The following CTNNA3 variants were observed in gnomAD, a reference collection of about 807,000 sequenced individuals.
CTNNA3 encodes the protein catenin alpha-3.
In CTNNA3, 76 loss-of-function variants were observed where a neutral mutation model predicts 95.7. The observed-to-expected ratio is 0.79, with a 90% CI of 0.66 to 0.96. CTNNA3 has a LOEUF of 0.96. Ranked by LOEUF, CTNNA3 falls within the 40% of genes least tolerant of loss-of-function variation. The pLI is 0.00. For synonymous variants in CTNNA3, 431 were observed against 374.4 expected (o/e 1.15, Z -1.74); for missense variants, 1,191 against 1,089.8 (o/e 1.09, Z -1.31).
chr10:67,574,139 G>A (rs896781658), intron 3 of CTNNA3, among the ~76,000 whole-genome samples: 2 of 152,102 alleles, frequency 1.3e-5, no homozygotes, highest in Non-Finnish European at 2.9e-5. Context: ...CCTGCTCCTT[G>A]CTACTTTCAA....
At chr10:66,055,107 C>T (rs533604632) in intron 15 of CTNNA3, among the ~76,000 whole-genome samples, 2 of 152,166 alleles carry the variant, frequency 1.3e-5, no homozygotes, top group African/African-American at 4.8e-5. Flanking sequence ...CAGTATCATG[C>T]TGTTTGGGGT....
At chr10:66,008,967 G>T (rs529887347) in intron 15 of CTNNA3, among the ~76,000 whole-genome samples, 1 of 152,210 alleles carries the variant, frequency 6.6e-6, no homozygotes, top group South Asian at 2.1e-4. Context: ...GTATGTAGTG[G>T]CACGCACCTG....
rs116829329 is a variant in CTNNA3 at position 66,390,300 on chromosome 10, G to A, written c.1532-10948C>T. 5.9e-3 allele frequency among the ~76,000 whole-genome samples: 890 copies of A among 152,136 alleles called. 8 individuals are homozygous for A. Among genetic ancestry groups the A allele is most frequent in the African/African-American group, 0.02 (837 of 41,504 alleles). ...AATACATCAACAGCAAAGCCTTAAG[G>A]GGAAGAGAGTTTATGCTATAATCCA... is the stretch of plus-strand genomic sequence containing the variant. On this transcript the variant is annotated intron_variant, in intron 11 of 17. Transcript: ENST00000433211.
At chr10:66,217,623 T>A (rs1398619048) in intron 13 of CTNNA3, among the ~76,000 whole-genome samples, 2 of 152,216 alleles carry the variant, frequency 1.3e-5, no homozygotes, top group African/African-American at 4.8e-5. Context: ...ACATACATTT[T>A]CATTGTTCTG....
chr10:67,264,642 G>T (rs1866746651), intron 5 of CTNNA3, among the ~76,000 whole-genome samples: 1 of 152,106 alleles, frequency 6.6e-6, no homozygotes, highest in Non-Finnish European at 1.5e-5. Context: ...TTTAGATTTA[G>T]ATTCCCACCT....
chr10:66,260,129 C>G (rs576688955), intron 13 of CTNNA3, among the ~76,000 whole-genome samples: 22 of 152,208 alleles, frequency 1.4e-4, no homozygotes, highest in African/African-American at 4.8e-4. Flanking sequence ...AAGTACTGAT[C>G]CACCAGGAGA....
intron 5 of CTNNA3, among the ~76,000 whole-genome samples, chr10:67,512,037 T>C (rs1230777821): frequency 6.6e-6 from 1 of 152,210 alleles, no homozygotes; most frequent in Middle Eastern, 3.2e-3. Flanking sequence ...GGATCAGTGG[T>C]GATATCCCCT....
At position 67,013,407 on chromosome 10, in the gene CTNNA3, ACAAT is replaced by A. The variant is rs1209885770; in HGVS notation, c.1047+166906_1047+166909del. Among the ~76,000 whole-genome samples, 9 of 145,192 alleles carry A rather than the reference ACAAT, an allele frequency of 6.2e-5. No individual in the cohort carries two copies. In the East Asian group the frequency reaches 1.7e-3, roughly 28 times the overall value. ...CTAAAAAAATTAATAATAACTTCAA[ACAAT>A]CATTGTTATCATTTCCAATAAGCAA... On this transcript the variant is annotated intron_variant, in intron 7 of 17. Transcript: ENST00000433211.
chr10:66,360,817 C>CT lies in CTNNA3; in HGVS notation c.1732+18334dup, dbSNP rs368129307. On this transcript the variant is annotated intron_variant, in intron 12 of 17. Coordinates refer to ENST00000433211, the MANE Select transcript of CTNNA3 (RefSeq NM_013266.4). ...CCTTCCTTCCTTCCTTCCTTCCTTCCTTTCTTTCTTTCTTTCTTTCTTTCT... is the reference window on the plus strand; with the variant it reads ...CCTTCCTTCCTTCCTTCCTTCCTTCCTTTTCTTTCTTTCTTTCTTTCTTTCT... 2.1e-4 allele frequency among the ~76,000 whole-genome samples: 11 copies of CT among 51,890 alleles called. 2 individuals carry two copies. Among genetic ancestry groups the CT allele is most frequent in the Non-Finnish European group, 2.9e-4 (9 of 30,806 alleles). 34.0% of individuals were successfully genotyped at this position (51,890 alleles called of 152,430 possible).
At chr10:67,593,317 TC>T (rs1343690213) in intron 3 of CTNNA3, among the ~76,000 whole-genome samples, 2 of 152,148 alleles carry the variant, frequency 1.3e-5, no homozygotes, top group Non-Finnish European at 2.9e-5. Context: ...TGATTTATTT[TC>T]TTTTGGATAT....
intron 7 of CTNNA3, among the ~76,000 whole-genome samples, chr10:67,126,766 G>C (rs1205897880): frequency 6.6e-6 from 1 of 152,130 alleles, no homozygotes; most frequent in Non-Finnish European, 1.5e-5. Flanking sequence ...ATTCATCTTT[G>C]TCCAAAAATG....
intron 9 of CTNNA3, among the ~76,000 whole-genome samples, chr10:66,636,166 G>T (rs12248142): frequency 0.071 from 10,726 of 151,932 alleles, 1,261 homozygotes; most frequent in African/African-American, 0.25. Context: ...CTGAATCTCA[G>T]GAGGGCTCCT....
intron 3 of CTNNA3, among the ~76,000 whole-genome samples, chr10:67,570,933 T>C (rs924614585): frequency 2.6e-5 from 4 of 152,130 alleles, no homozygotes; most frequent in Admixed American, 2.6e-4. Flanking sequence ...GGAAATAAAC[T>C]TGGAATGATA....
chr10:66,871,583 A>AG (rs1844409291), intron 7 of CTNNA3, among the ~76,000 whole-genome samples: 1 of 150,364 alleles, frequency 6.7e-6, no homozygotes, highest in African/African-American at 2.4e-5. Context: ...AAAAAAAAAA[A>AG]AAAGTACTCA....
At chr10:65,997,463 G>C (rs554076404) in intron 15 of CTNNA3, among the ~76,000 whole-genome samples, 1 of 152,182 alleles carries the variant, frequency 6.6e-6, no homozygotes, top group South Asian at 2.1e-4. Flanking sequence ...GCGGTGGCCT[G>C]GGTCCCTTTA....
intron 3 of CTNNA3, among the ~76,000 whole-genome samples, chr10:67,584,580 T>C (rs1842551981): frequency 6.6e-6 from 1 of 152,200 alleles, no homozygotes; most frequent in African/African-American, 2.4e-5. Context: ...GGAGAACCAC[T>C]ACTCTCTTCA....
intron 13 of CTNNA3, among the ~76,000 whole-genome samples, chr10:66,185,200 C>A (rs554501750): frequency 2.6e-5 from 4 of 152,128 alleles, no homozygotes; most frequent in African/African-American, 9.6e-5. Flanking sequence ...ATAGCAATAA[C>A]AATTTCGGTA....
chr10:67,304,942 A>G (rs1407959488), intron 5 of CTNNA3, among the ~76,000 whole-genome samples: 2 of 152,038 alleles, frequency 1.3e-5, no homozygotes, highest in South Asian at 2.1e-4. Flanking sequence ...GGAGGTACAA[A>G]GAAGAAGCTA....
At chr10:67,398,634 G>C (rs944804323) in intron 5 of CTNNA3, among the ~76,000 whole-genome samples, 11 of 152,154 alleles carry the variant, frequency 7.2e-5, no homozygotes, top group African/African-American at 2.7e-4. Context: ...GGAGCCAGGG[G>C]TGGAATGATA....
Sources: allele counts gnomAD v4.1 joint callset (sites outside exome capture counted in the v4.1 genomes callset), GRCh38; gene constraint gnomAD v4.1.1; transcripts MANE v1.5; gene names NCBI Gene and HGNC (gene_info 2026-07-23, HGNC 2026-07-21).